SLC9A3: variants seen among roughly 807,000 people sequenced by gnomAD.
SLC9A3 encodes sodium/hydrogen exchanger 3.
Under a neutral mutation model 86.8 loss-of-function variants are expected in SLC9A3, and 37 were observed. The observed-to-expected ratio is 0.43, with a 90% CI of 0.33 to 0.56. SLC9A3 has a LOEUF of 0.56. Among genes scored for constraint, SLC9A3 ranks in the 20% least tolerant of loss-of-function variants. The probability of loss-of-function intolerance (pLI) is 0.06; values close to 1 mark genes in which losing one functional copy is unlikely to be tolerated. For synonymous variants in SLC9A3, 581 were observed against 528.3 expected, an observed-to-expected ratio of 1.10 and a Z score of -1.37; for missense variants, 1,011 against 1,171.9, an observed-to-expected ratio of 0.86 and a Z score of 2.00.
Position 470,709 on chromosome 5 carries a change from T to C in SLC9A3, c.*2670A>G, listed in dbSNP as rs1397094116. ...CAATTTTCACTCATAATTTAAAATA[T>C]TTTGATGAAATTCTTTGCTTTCACA... On this transcript the variant is annotated 3_prime_UTR_variant, in exon 17 of 17. Coordinates refer to ENST00000264938, the MANE Select transcript of SLC9A3 (RefSeq NM_004174.4). The C allele has an allele frequency of 2.0e-5, 3 of 152,290 alleles. No individual in the cohort carries two copies. The highest frequency in any genetic ancestry group is 7.2e-5 in the African/African-American group (3 of 41,460). The allele number at this position is 152,290 out of a possible 1,614,324, so 9.4% of individuals were successfully genotyped here. A position where few individuals can be genotyped will look rare whatever the true frequency, so the allele number is the denominator to read the frequency against.
chr5:512,804 G>A (rs1219288544), intron 1 of SLC9A3, among the ~76,000 whole-genome samples: 1 of 152,152 alleles, frequency 6.6e-6, no homozygotes, highest in African/African-American at 2.4e-5. Flanking sequence ...CGGTGGGCAG[G>A]CTGAGTCCTG....
intron 1 of SLC9A3, 34 bp downstream of exon 1, chr5:524,078 C>T (rs1326252533): frequency 3.5e-6 from 5 of 1,415,312 alleles, no homozygotes; most frequent in Non-Finnish European, 9.4e-7. Flanking sequence ...CCGCACACCC[C>T]GCGGGCAGAT....
At position 476,238 on chromosome 5, in the gene SLC9A3, C is replaced by T. The variant is rs2230437; in HGVS notation, c.2031G>A (p.Ala677=). The change falls in exon 13 of 17, where the codon GCG becomes GCA. Residue 677 remains alanine, a synonymous_variant. Transcript: ENST00000264938. ...CACGCTCCCGCTTGTACAGCTTGGC[C>T]GCCTTCTTGTTCTGGTTGAGCCCCA... ...TKLGLNQNKK[A]AKLYKRERAQ... is the part of the protein sequence containing the mutation. 598,769 of 1,613,506 alleles carry T rather than the reference C, an allele frequency of 0.37. 117,792 individuals are homozygous for T. Among genetic ancestry groups the T allele is most frequent in the Non-Finnish European group, 0.41 (482,519 of 1,179,790 alleles).
At position 472,565 on chromosome 5, in the gene SLC9A3, C is replaced by CCTGA; in HGVS notation, c.*810_*813dup. ...GACGGGCCGTGTCCGGGGCCGCCAC[C>CCTGA]CTGAGACCGGGCGCGGGCAGGACGG... is the stretch of plus-strand genomic sequence containing the variant. On this transcript the variant is annotated 3_prime_UTR_variant, in exon 17 of 17. Coordinates refer to ENST00000264938, the MANE Select transcript of SLC9A3 (RefSeq NM_004174.4). The CCTGA allele has an allele frequency of 1.1e-5, 4 of 355,410 alleles. No homozygotes were observed. Among genetic ancestry groups the CCTGA allele is most frequent in the South Asian group, 7.9e-5 (4 of 50,596 alleles). The allele number at this position is 355,410 out of a possible 1,614,324, so 22.0% of individuals were successfully genotyped here.
intron 1 of SLC9A3, among the ~76,000 whole-genome samples, chr5:518,475 C>T (rs373449019): frequency 2.9e-4 from 44 of 152,158 alleles, no homozygotes; most frequent in African/African-American, 9.2e-4. Context: ...AAACCTGGCA[C>T]GCCAACACCT....
rs1201827132 is a variant in SLC9A3 at position 486,409 on chromosome 5, G to A, written c.676-1178C>T. 3.3e-5 allele frequency among the ~76,000 whole-genome samples: 5 copies of A among 152,228 alleles called. No individual in the cohort carries two copies. The East Asian group carries it at 5.8e-4, about 18-fold the overall frequency. On this transcript the variant is annotated intron_variant, in intron 3 of 16. Coordinates refer to ENST00000264938, the MANE Select transcript of SLC9A3 (RefSeq NM_004174.4). ...CATTTGATGGGATTGGCTTTGAAAC[G>A]TCACGATTGTCACTGTGAAGTAGTA...
At chr5:481,449 C>G in intron 9 of SLC9A3, 116 bp downstream of exon 9, 2 of 918,328 alleles carry the variant, frequency 2.2e-6, no homozygotes, top group Admixed American at 3.5e-5. Context: ...CACCGGAGCC[C>G]TGACCAAGCC....
chr5:488,425 G>A lies in SLC9A3; in HGVS notation c.566C>T (p.Ala189Val). Reference protein sequence around the residue: ...LDFLLFGSLMAAVDPVAVLAV... With the variant: ...LDFLLFGSLMVAVDPVAVLAV... Reference sequence around the variant, plus strand: ...CAGGACGGCCACCGGGTCCACAGCCGCCATGAGGCTGCCAAACAGGAGGAA... The same window carrying A: ...CAGGACGGCCACCGGGTCCACAGCCACCATGAGGCTGCCAAACAGGAGGAA... Residue 189 changes from alanine (A) to valine (V), a missense_variant, in exon 3 of 17, where the codon GCG becomes GTG. This residue lies in a region of SLC9A3 where 565 missense variants were observed against 790.0 expected (regional missense o/e 0.72). Transcript: ENST00000264938. The A allele has an allele frequency of 4.4e-6, 7 of 1,599,702 alleles. No homozygotes were observed. Among genetic ancestry groups the A allele is most frequent in the Non-Finnish European group, 6.0e-6 (7 of 1,171,302 alleles).
At position 472,553 on chromosome 5, in the gene SLC9A3, CG is replaced by C; in HGVS notation, c.*825del. 1 of 348,184 alleles carries C rather than the reference CG, an allele frequency of 2.9e-6. No homozygotes were observed. Among genetic ancestry groups the C allele is most frequent in the East Asian group, 9.2e-5 (1 of 10,838 alleles). 21.6% of individuals were successfully genotyped at this position (348,184 alleles called of 1,614,324 possible). On this transcript the variant is annotated 3_prime_UTR_variant, in exon 17 of 17. Transcript: ENST00000264938. ...CTCGTCTGTGGGGACGGGCCGTGTC[CG>C]GGGCCGCCACCCTGAGACCGGGCGC...
intron 2 of SLC9A3, among the ~76,000 whole-genome samples, chr5:490,028 C>A (rs1413449844): frequency 6.6e-6 from 1 of 152,234 alleles, no homozygotes; most frequent in Non-Finnish European, 1.5e-5. Flanking sequence ...GCACGTTTGG[C>A]CTTGAGACGC....
Position 497,590 on chromosome 5 carries a change from C to T in SLC9A3, c.212-5519G>A, listed in dbSNP as rs1740080203. ...CAGGAAACAAGGATATCTCTTAACA[C>T]AATTGTTCTATTCTTTGGTTATTCC... On this transcript the variant is annotated intron_variant, in intron 1 of 16. Transcript: ENST00000264938. This position sits in a 1 kb window ranked among gnomAD's most constrained non-coding sequence, Gnocchi z 5.4. Among the ~76,000 whole-genome samples, 1 of 152,208 alleles carries T rather than the reference C, an allele frequency of 6.6e-6. No homozygotes were observed. The highest frequency in any genetic ancestry group is 6.5e-5 in the Admixed American group (1 of 15,276).
intron 1 of SLC9A3, among the ~76,000 whole-genome samples, chr5:499,033 G>A (rs533871738): frequency 6.6e-6 from 1 of 152,298 alleles, no homozygotes; most frequent in Admixed American, 6.5e-5. Context: ...ACACTGGACT[G>A]GGGACCAAGA....
Position 475,639 on chromosome 5 carries a change from T to TG in SLC9A3, c.2172dup (p.Asn725GlnfsTer3). The TG allele has an allele frequency of 1.3e-6, 2 of 1,551,764 alleles. No individual in the cohort carries two copies. Among genetic ancestry groups the TG allele is most frequent in the East Asian group, 2.4e-5 (1 of 41,078 alleles). ...CCCCCACTCATCTCCTCATCATAGT[T>TG]GGGGGGCTCCTCGGTGTCTGAAAGT... On this transcript the variant is annotated frameshift_variant, in exon 15 of 17. Coordinates refer to ENST00000264938, the MANE Select transcript of SLC9A3 (RefSeq NM_004174.4). LOFTEE classifies it high-confidence loss of function.
chr5:506,339 G>A (rs534378741), intron 1 of SLC9A3, among the ~76,000 whole-genome samples: 186 of 152,322 alleles, frequency 1.2e-3, no homozygotes, highest in African/African-American at 4.1e-3. Context: ...CCCGGGCTGC[G>A]GAGAGGGTGC....
At chr5:519,964 C>T (rs1733838960) in intron 1 of SLC9A3, among the ~76,000 whole-genome samples, 1 of 152,190 alleles carries the variant, frequency 6.6e-6, no homozygotes, top group Non-Finnish European at 1.5e-5. Context: ...CCTGCCCTTC[C>T]AGCCAGGGTT....
chr5:478,569 GC>G (rs1738930319), intron 10 of SLC9A3: 1 of 154,374 alleles, frequency 6.5e-6, no homozygotes, highest in East Asian at 1.9e-4. Context: ...GCCGGGAGGA[GC>G]CCACAGGCTC....
In SLC9A3 at chr5:491,871, C is replaced by T. The variant is rs375884736; in HGVS notation, c.412G>A (p.Gly138Ser). The T allele has an allele frequency of 3.0e-5, 48 of 1,610,518 alleles. No individual in the cohort carries two copies. Among genetic ancestry groups the T allele is most frequent in the African/African-American group, 2.0e-4 (15 of 74,828 alleles). The change falls in exon 2 of 17, where the codon GGC becomes AGC. Residue 138 changes from glycine (G) to serine (S), a missense_variant. Physicochemically the swap from Gly to Ser is moderately conservative, Grantham distance 56. This residue lies in a region of SLC9A3 where 565 missense variants were observed against 790.0 expected (regional missense o/e 0.72). Transcript: ENST00000264938. This position sits in a 1 kb window ranked among gnomAD's most constrained non-coding sequence, Gnocchi z 9.2. ...GYFMPNRLFFGNLGTILLYAV... is the reference protein window; with the variant it reads ...GYFMPNRLFFSNLGTILLYAV... ...TACAACAGGATGGTCCCCAGGTTGC[C>T]GAAGAAGAGGCGGTTGGGCATGAAG...
chr5:477,513 TG>T (rs1263811800), intron 10 of SLC9A3, 69 bp from the exon 11 acceptor site: 17 of 1,201,656 alleles, frequency 1.4e-5, no homozygotes, highest in Admixed American at 2.3e-5. Flanking sequence ...TTGTGTGCCC[TG>T]GGGGGAAGCG....
At chr5:481,039 G>A (rs1218825616) in intron 9 of SLC9A3, among the ~76,000 whole-genome samples, 2 of 152,062 alleles carry the variant, frequency 1.3e-5, no homozygotes, top group Non-Finnish European at 2.9e-5. Context: ...ACAGGCCCAC[G>A]CCACCACCCC....
Sources: gnomAD v4.1 joint callset for allele counts (sites outside exome capture counted in the v4.1 genomes callset) on GRCh38, gnomAD v4.1.1 for gene constraint, gnomAD v4.1.1 regional missense constraint, Gnocchi (gnomAD v3.1) non-coding constraint, MANE v1.5 for transcripts, NCBI Gene and HGNC (gene_info 2026-07-23, HGNC 2026-07-21) for gene names.